Variants in MYH15 observed in about 807,000 individuals in gnomAD.
The protein encoded by MYH15 is myosin heavy chain 15, also known as myosin-15.
A neutral mutation model predicts 240.5 loss-of-function variants in MYH15; 227 were observed. That is an observed-to-expected ratio of 0.94 (90% CI 0.85 to 1.05). MYH15 has a LOEUF of 1.05. Among genes scored for constraint, MYH15 ranks in the 50% least tolerant of loss-of-function variants. MYH15 has a pLI of 0.00. For synonymous variants in MYH15, 785 were observed against 796.7 expected, an observed-to-expected ratio of 0.99 and a Z score of 0.25; for missense variants, 2,217 against 2,247.5, an observed-to-expected ratio of 0.99 and a Z score of 0.27.
intron 10 of MYH15, among the ~76,000 whole-genome samples, chr3:108,485,493 T>C (rs1312934989): frequency 1.3e-5 from 2 of 152,230 alleles, no homozygotes; most frequent in Non-Finnish European, 2.9e-5. Context: ...TGCCTCTCTC[T>C]TGTTCCTTCC....
chr3:108,417,518 A>G (rs1266597644), intron 28 of MYH15, among the ~76,000 whole-genome samples: 2 of 152,230 alleles, frequency 1.3e-5, no homozygotes, highest in African/African-American at 2.4e-5. Flanking sequence ...AAACTAAATT[A>G]GTGTGAATAT....
At chr3:108,386,890 C>T (rs1359515975) in intron 38 of MYH15, among the ~76,000 whole-genome samples, 1 of 151,828 alleles carries the variant, frequency 6.6e-6, no homozygotes, top group African/African-American at 2.4e-5. Flanking sequence ...ATGGTAGAAC[C>T]GAGTAGATGG....
chr3:108,534,356 G>A, the MYH15 span, among the ~76,000 whole-genome samples: 4 of 152,134 alleles, frequency 2.6e-5, no homozygotes, highest in Non-Finnish European at 5.9e-5. Flanking sequence ...ATCCCTAGAA[G>A]GATGTCTCAC....
intron 34 of MYH15, 59 bp downstream of exon 34, chr3:108,399,016 C>T (rs2082484307): frequency 1.3e-6 from 2 of 1,548,588 alleles, no homozygotes; most frequent in Non-Finnish European, 1.8e-6. Context: ...GCTTAGTTTG[C>T]TTCCATAAGC....
At chr3:108,506,985 C>T (rs553963512) in intron 1 of MYH15, among the ~76,000 whole-genome samples, 8 of 151,910 alleles carry the variant, frequency 5.3e-5, no homozygotes, top group African/African-American at 1.7e-4. Context: ...GAGCCGAGAT[C>T]GTGCCATTGC....
At chr3:108,408,087 T>A (rs1313004454) in intron 32 of MYH15, among the ~76,000 whole-genome samples, 193 bp downstream of exon 32, 1 of 152,236 alleles carries the variant, frequency 6.6e-6, no homozygotes, top group Non-Finnish European at 1.5e-5. Context: ...TGAGTCTCAA[T>A]TTCCTCTTTT....
At chr3:108,408,497 A>G in intron 31 of MYH15, 93 bp from the exon 32 acceptor site, 1 of 1,290,898 alleles carries the variant, frequency 7.7e-7, no homozygotes, top group Admixed American at 2.5e-5. Flanking sequence ...GCCCACTGGA[A>G]CAGTGACCTC....
chr3:108,498,063 T>G lies in MYH15; in HGVS notation c.607A>C (p.Arg203=). The G allele has an allele frequency of 6.2e-7, 1 of 1,614,040 alleles. No individual in the cohort carries two copies. Among genetic ancestry groups the G allele is most frequent in the African/African-American group, 1.3e-5 (1 of 75,066 alleles). The stretch of plus-strand genomic sequence containing the variant: ...ATATAAACACTTACCTGCTTTTTCC[T>G]GGATTCAATCATGGCTGCTATGGTG... ...FATIAAMIES[R]KKQGALEDQI... The change falls in exon 6 of 41, where the codon AGG becomes CGG. Residue 203 remains arginine (R), a synonymous_variant. Transcript: ENST00000693548.
intron 25 of MYH15, among the ~76,000 whole-genome samples, chr3:108,432,880 T>C (rs2082791147): frequency 6.6e-6 from 1 of 152,154 alleles, no homozygotes; most frequent in Non-Finnish European, 1.5e-5. Context: ...AGCGGGGCCC[T>C]CATGGAGAAC....
chr3:108,435,037 C>T (rs750485363), intron 25 of MYH15, among the ~76,000 whole-genome samples: 3 of 152,036 alleles, frequency 2.0e-5, no homozygotes, highest in African/African-American at 7.2e-5. Flanking sequence ...ATGTTCTTTG[C>T]CCATTTTTCT....
At chr3:108,444,392 A>C (rs2082909973) in intron 22 of MYH15, among the ~76,000 whole-genome samples, 1 of 152,140 alleles carries the variant, frequency 6.6e-6, no homozygotes, top group Non-Finnish European at 1.5e-5. Flanking sequence ...CCTGGCCTCC[A>C]TGATGTGCTA....
rs202142359 is a variant in MYH15, at chr3:108,428,029, TG to T, written c.3702+462del. Among the ~76,000 whole-genome samples, 827 of 152,348 alleles carry T rather than the reference TG, an allele frequency of 5.4e-3. 7 individuals are homozygous for T. Among genetic ancestry groups the T allele is most frequent in the African/African-American group, 0.015 (636 of 41,594 alleles). ...ATGTGATGAACCTTTCTTATAGTAC[TG>T]GCTGATTAAAAAGATGCCAGAGGAC... On this transcript the variant is annotated intron_variant, in intron 27 of 40. Transcript: ENST00000693548.
At chr3:108,486,383 G>A in intron 10 of MYH15, 40 bp downstream of exon 10, 1 of 1,487,716 alleles carries the variant, frequency 6.7e-7, no homozygotes, top group South Asian at 1.2e-5. Context: ...ATTTCTCATT[G>A]CCATTACCAG....
the MYH15 span, among the ~76,000 whole-genome samples, chr3:108,541,798 T>C: frequency 1.3e-5 from 2 of 152,178 alleles, no homozygotes; most frequent in Non-Finnish European, 2.9e-5. Context: ...TGAAATATTA[T>C]GAAACTGTCA....
At chr3:108,512,145 A>T (rs72941757), upstream of MYH15, among the ~76,000 whole-genome samples, 5,541 of 152,302 alleles carry the variant, frequency 0.036, 338 homozygotes, top group African/African-American at 0.12. Flanking sequence ...TTTCTCAGGG[A>T]AAAAGACAAA....
the MYH15 span, among the ~76,000 whole-genome samples, chr3:108,548,980 A>G: frequency 6.6e-6 from 1 of 152,178 alleles, no homozygotes; most frequent in African/African-American, 2.4e-5. Context: ...AAATTAATGA[A>G]CAATTTAATA....
chr3:108,505,165 G>A (rs1235742053), intron 2 of MYH15, among the ~76,000 whole-genome samples: 1 of 152,152 alleles, frequency 6.6e-6, no homozygotes, highest in Non-Finnish European at 1.5e-5. Context: ...TGAAAAAGTA[G>A]AAATGGCTGT....
chr3:108,482,198 T>C (rs1295645205), intron 11 of MYH15, among the ~76,000 whole-genome samples: 1 of 152,006 alleles, frequency 6.6e-6, no homozygotes, highest in African/African-American at 2.4e-5. Flanking sequence ...AGAACCTAGG[T>C]GGCATTTTTG....
chr3:108,510,471 C>T lies in MYH15; in HGVS notation c.60G>A (p.Leu20=). The T allele has an allele frequency of 6.2e-7, 1 of 1,613,158 alleles. No individual in the cohort carries two copies. The highest frequency in any genetic ancestry group is 8.5e-7 in the Non-Finnish European group (1 of 1,179,560). The part of the protein sequence containing the change: ...AAFLRRSEAE[L]LLLQATALDG... The stretch of plus-strand genomic sequence containing the variant: ...CCAAGGCTGTGGCCTGTAGTAGAAG[C>T]AGCTCAGCTTCACTTCTTCTGAGGA... Residue 20 remains leucine, a synonymous_variant, in exon 1 of 41, where the codon CTG becomes CTA. Transcript: ENST00000693548.
Sources: allele counts gnomAD v4.1 joint callset (sites outside exome capture counted in the v4.1 genomes callset), GRCh38; gene constraint gnomAD v4.1.1; transcripts MANE v1.5; gene names NCBI Gene and HGNC (gene_info 2026-07-23, HGNC 2026-07-21).